The following PDE11A variants were observed in gnomAD, a reference collection of about 807,000 sequenced individuals.
The protein encoded by PDE11A is dual 3',5'-cyclic-AMP and -GMP phosphodiesterase 11A.
A neutral mutation model predicts 100.5 loss-of-function variants in PDE11A; 100 were observed. The observed-to-expected ratio is 1.00, with a 90% confidence interval of 0.85 to 1.18. The LOEUF (loss-of-function observed/expected upper bound fraction) is 1.18. PDE11A is among the 50% of genes most tolerant of loss of function. The pLI is 0.00. For missense variants in PDE11A, 1,141 were observed against 1,152.6 expected (o/e 0.99, Z 0.15); for synonymous variants, 381 against 420.8 (o/e 0.91, Z 1.16).
intron 5 of PDE11A, among the ~76,000 whole-genome samples, chr2:177,865,435 T>C (rs2084012242): frequency 6.6e-6 from 1 of 152,218 alleles, no homozygotes; most frequent in Admixed American, 6.5e-5. Context: ...ATAGCTACTG[T>C]AGAAAACAGT....
intron 2 of PDE11A, among the ~76,000 whole-genome samples, chr2:177,960,645 A>G (rs34648335): frequency 0.1 from 15,881 of 151,874 alleles, 1,143 homozygotes; most frequent in Non-Finnish European, 0.15. Context: ...TCTAAAACAG[A>G]AAAGCTGCCA....
rs143051753 is a variant in PDE11A at position 177,760,451 on chromosome 2, A to C, written c.1788+8872T>G. Among the ~76,000 whole-genome samples the C allele has an allele frequency of 1.6e-4, 24 of 152,346 alleles. 1 individual carries two copies. In the East Asian group the frequency reaches 4.2e-3, roughly 27 times the overall value. ...AAATTACTTATATGTAATTAAATCA[A>C]GCTGAGCTATCTTGAACAGAGCTTG... On this transcript the variant is annotated intron_variant, in intron 10 of 19. Coordinates refer to ENST00000286063, the MANE Select transcript of PDE11A (RefSeq NM_016953.4).
At chr2:177,782,933 AC>A (rs1169192570) in intron 9 of PDE11A, among the ~76,000 whole-genome samples, 3 of 151,904 alleles carry the variant, frequency 2.0e-5, no homozygotes, top group Non-Finnish European at 4.4e-5. Flanking sequence ...AAACAAACAA[AC>A]AAACAAACAA....
chr2:177,753,541 A>ATTTTT, intron 10 of PDE11A, among the ~76,000 whole-genome samples: 1 of 151,750 alleles, frequency 6.6e-6, no homozygotes, highest in East Asian at 2.0e-4. Flanking sequence ...GAGGAAGAAA[A>ATTTTT]ATCAGCCTGA....
intron 4 of PDE11A, among the ~76,000 whole-genome samples, chr2:177,887,019 C>G (rs938634477): frequency 1.3e-5 from 2 of 152,124 alleles, no homozygotes; most frequent in Non-Finnish European, 2.9e-5. Flanking sequence ...GGTGACCCAG[C>G]TTCACCCCAA....
chr2:177,979,755 C>T (rs377487850), intron 2 of PDE11A, among the ~76,000 whole-genome samples: 2 of 149,376 alleles, frequency 1.3e-5, no homozygotes, highest in African/African-American at 4.9e-5. Context: ...GGACTACAGG[C>T]GCCTGCCACC....
At chr2:177,839,549 C>T (rs1427724129) in intron 6 of PDE11A, among the ~76,000 whole-genome samples, 1 of 152,136 alleles carries the variant, frequency 6.6e-6, no homozygotes, top group Admixed American at 6.6e-5. Flanking sequence ...TGGATCATGG[C>T]CCTTCAGCCA....
At chr2:178,045,661 T>C (rs1203213529) in intron 1 of PDE11A, among the ~76,000 whole-genome samples, 1 of 152,208 alleles carries the variant, frequency 6.6e-6, no homozygotes, top group South Asian at 2.1e-4. Context: ...CTGTCAGTAG[T>C]AGTAGTAGTA....
rs553683685 is a variant in PDE11A at position 177,787,551 on chromosome 2, A to G, written c.1738-18178T>C. On this transcript the variant is annotated intron_variant, in intron 9 of 19. Coordinates refer to ENST00000286063, the MANE Select transcript of PDE11A (RefSeq NM_016953.4). ...TCACAAATAACAATATTAACTTTAA[A>G]TGTAAATGGACTAAATGCTCCAATT... Among the ~76,000 whole-genome samples, 1,382 of 152,122 alleles carry G rather than the reference A, an allele frequency of 9.1e-3. 24 individuals are homozygous for G. Among genetic ancestry groups the G allele is most frequent in the African/African-American group, 0.032 (1,317 of 41,488 alleles).
intron 1 of PDE11A, among the ~76,000 whole-genome samples, chr2:178,042,437 C>T (rs911986555): frequency 3.3e-5 from 5 of 149,434 alleles, no homozygotes; most frequent in Non-Finnish European, 7.4e-5. Flanking sequence ...ATGATCACAT[C>T]ACTGCTTTCT....
At chr2:177,774,133 T>C (rs2105508521) in intron 9 of PDE11A, among the ~76,000 whole-genome samples, 2 of 152,370 alleles carry the variant, frequency 1.3e-5, no homozygotes, top group South Asian at 4.1e-4. Flanking sequence ...TTAGCCATCA[T>C]GCGATTCTGA....
At chr2:178,002,363 G>A (rs2105818620) in intron 2 of PDE11A, among the ~76,000 whole-genome samples, 1 of 152,258 alleles carries the variant, frequency 6.6e-6, no homozygotes, top group African/African-American at 2.4e-5. Flanking sequence ...TGTGAATACT[G>A]CTGTGATGAA....
At chr2:177,790,855 T>C (rs2105534903) in intron 9 of PDE11A, among the ~76,000 whole-genome samples, 1 of 152,276 alleles carries the variant, frequency 6.6e-6, no homozygotes, top group South Asian at 2.1e-4. Context: ...TCACATCAGT[T>C]AGAATGGCAA....
chr2:177,923,119 C>T (rs1207732840), intron 2 of PDE11A, among the ~76,000 whole-genome samples: 1 of 151,882 alleles, frequency 6.6e-6, no homozygotes, highest in Non-Finnish European at 1.5e-5. Context: ...TTGTACATAC[C>T]TCTAATGCAG....
At chr2:178,098,626 A>T (rs1440634469) in intron 2 of PDE11A, among the ~76,000 whole-genome samples, 1 of 152,160 alleles carries the variant, frequency 6.6e-6, no homozygotes, top group Non-Finnish European at 1.5e-5. Flanking sequence ...AAAATTGTCA[A>T]AAAGAATAAT....
chr2:178,083,846 C>T (rs2087316418), intron 2 of PDE11A, among the ~76,000 whole-genome samples: 1 of 152,102 alleles, frequency 6.6e-6, no homozygotes, highest in Non-Finnish European at 1.5e-5. Flanking sequence ...TTGAGCTATA[C>T]TTTTAGTTTT....
At chr2:177,838,587 C>T (rs1293865171) in intron 6 of PDE11A, among the ~76,000 whole-genome samples, 1 of 152,102 alleles carries the variant, frequency 6.6e-6, no homozygotes, top group Non-Finnish European at 1.5e-5. Context: ...GGGAAGATGG[C>T]AGTCAGATCT....
At chr2:177,891,679 G>T (rs894553110) in intron 4 of PDE11A, among the ~76,000 whole-genome samples, 3 of 152,124 alleles carry the variant, frequency 2.0e-5, no homozygotes, top group Admixed American at 2.0e-4. Context: ...CTAGAACAGT[G>T]GTCTGTAAAC....
At chr2:177,665,499 T>A (rs111393382) in intron 18 of PDE11A, among the ~76,000 whole-genome samples, 2 of 143,382 alleles carry the variant, frequency 1.4e-5, no homozygotes, top group South Asian at 2.1e-4. Context: ...ATAATAATAA[T>A]AAATAAATAA....
Sources: allele counts gnomAD v4.1 joint callset (sites outside exome capture counted in the v4.1 genomes callset), GRCh38; gene constraint gnomAD v4.1.1; transcripts MANE v1.5; gene names NCBI Gene and HGNC (gene_info 2026-07-23, HGNC 2026-07-21).